Variants in CPQ observed in about 807,000 individuals in gnomAD.
CPQ encodes Ser-Met dipeptidase.
In CPQ, 37 loss-of-function variants were observed where a neutral mutation model predicts 45.7. The observed-to-expected ratio is 0.81, with a 90% confidence interval of 0.62 to 1.07. The LOEUF (loss-of-function observed/expected upper bound fraction) is 1.07, where lower values mean the gene tolerates loss of function less well. CPQ is among the 50% of genes least tolerant of loss of function. CPQ has a pLI of 0.00. For missense variants in CPQ, 537 were observed against 572.9 expected (o/e 0.94, Z 0.64); for synonymous variants, 186 against 205.8 (o/e 0.90, Z 0.82).
intron 1 of CPQ, among the ~76,000 whole-genome samples, chr8:96,729,920 A>G (rs966686886): frequency 5.9e-5 from 9 of 152,104 alleles, no homozygotes; most frequent in African/African-American, 1.9e-4. Flanking sequence ...GGTCTGTACA[A>G]TGTCTCATCT....
intron 6 of CPQ, among the ~76,000 whole-genome samples, chr8:97,046,226 G>C (rs1209934158): frequency 6.6e-6 from 1 of 151,512 alleles, no homozygotes; most frequent in Non-Finnish European, 1.5e-5. Flanking sequence ...AAACACAAAG[G>C]CATACTTTTT....
intron 3 of CPQ, among the ~76,000 whole-genome samples, chr8:96,864,160 C>A (rs974357404): frequency 1.3e-5 from 2 of 151,946 alleles, no homozygotes; most frequent in Admixed American, 6.6e-5. Flanking sequence ...AAGAGGTGGA[C>A]ACTATTCCTC....
intron 2 of CPQ, among the ~76,000 whole-genome samples, chr8:96,799,667 C>T (rs927906417): frequency 1.2e-4 from 18 of 152,298 alleles, no homozygotes; most frequent in Admixed American, 3.9e-4. Flanking sequence ...AAGGAATTTA[C>T]ATTGATCAAG....
At chr8:96,728,754 T>G (rs2130768579) in intron 1 of CPQ, among the ~76,000 whole-genome samples, 1 of 152,218 alleles carries the variant, frequency 6.6e-6, no homozygotes, top group Middle Eastern at 3.4e-3. Flanking sequence ...TGGGAGATTA[T>G]GGGTAAGGTC....
At chr8:96,984,991 G>A (rs1813987108) in intron 5 of CPQ, among the ~76,000 whole-genome samples, 1 of 152,136 alleles carries the variant, frequency 6.6e-6, no homozygotes, top group South Asian at 2.1e-4. Context: ...AGAGTTCTGT[G>A]AGTAATAAAC....
Position 96,929,466 on chromosome 8 carries a change from A to G in CPQ, c.850-36469A>G, listed in dbSNP as rs374083114. 6.8e-4 allele frequency among the ~76,000 whole-genome samples: 104 copies of G among 152,276 alleles called. 1 individual carries two copies. In the South Asian group the frequency reaches 0.021, roughly 31 times the overall value. ...TGCTCATCTTTCTAGGCTTTCTAAT[A>G]TGCTCCCTCAATGCAAGTCTCTCAG... is the stretch of plus-strand genomic sequence containing the variant. On this transcript the variant is annotated intron_variant, in intron 4 of 7. Coordinates refer to ENST00000220763, the MANE Select transcript of CPQ (RefSeq NM_016134.4).
rs141939292 is a variant in CPQ at position 96,792,105 on chromosome 8, G to A, written c.433+6775G>A. Reference sequence around the variant, plus strand: ...TCTTCTCAACTTCAGTATTACAGTAGGTATGTTAGTTTATTCACATGGCAG... The same window carrying A: ...TCTTCTCAACTTCAGTATTACAGTAAGTATGTTAGTTTATTCACATGGCAG... On this transcript the variant is annotated intron_variant, in intron 2 of 7. Coordinates refer to ENST00000220763, the MANE Select transcript of CPQ (RefSeq NM_016134.4). Among the ~76,000 whole-genome samples the A allele has an allele frequency of 3.5e-3, 535 of 152,192 alleles. 2 individuals carry two copies. Among genetic ancestry groups the A allele is most frequent in the African/African-American group, 0.012 (504 of 41,522 alleles).
intron 6 of CPQ, among the ~76,000 whole-genome samples, chr8:97,054,413 A>T (rs1810416232): frequency 6.6e-6 from 1 of 152,310 alleles, no homozygotes; most frequent in South Asian, 2.1e-4. Flanking sequence ...CAGCAATCCC[A>T]CTACTAGGTA....
intron 5 of CPQ, among the ~76,000 whole-genome samples, chr8:96,992,100 T>A (rs1809104168): frequency 6.6e-6 from 1 of 152,230 alleles, no homozygotes; most frequent in Admixed American, 6.5e-5. Context: ...GGTGACCTTC[T>A]CTGCTTATCA....
At chr8:96,990,077 A>C (rs1809062236) in intron 5 of CPQ, among the ~76,000 whole-genome samples, 1 of 151,958 alleles carries the variant, frequency 6.6e-6, no homozygotes, top group South Asian at 2.1e-4. Flanking sequence ...CCACCTCTGA[A>C]CCTTTGCTGA....
intron 1 of CPQ, among the ~76,000 whole-genome samples, chr8:96,743,379 A>G (rs1810124401): frequency 6.6e-6 from 1 of 151,752 alleles, no homozygotes; most frequent in Non-Finnish European, 1.5e-5. Context: ...ACATTCTTCT[A>G]AATTTTTTTC....
chr8:97,035,826 GCCTC>G (rs1256896597), intron 6 of CPQ, among the ~76,000 whole-genome samples: 1 of 152,066 alleles, frequency 6.6e-6, no homozygotes, highest in Non-Finnish European at 1.5e-5. Context: ...TCCTGCCTTA[GCCTC>G]CTGAGTAGCT....
At chr8:96,929,026 C>A (rs1282770624) in intron 4 of CPQ, among the ~76,000 whole-genome samples, 1 of 152,160 alleles carries the variant, frequency 6.6e-6, no homozygotes, top group Non-Finnish European at 1.5e-5. Flanking sequence ...AGGATCCTCT[C>A]CCCAGCCAAC....
chr8:96,944,908 G>A (rs1467281976), intron 4 of CPQ, among the ~76,000 whole-genome samples: 2 of 151,978 alleles, frequency 1.3e-5, no homozygotes, highest in East Asian at 3.9e-4. Flanking sequence ...GTACTTCCTA[G>A]AGGGTATTAA....
At chr8:97,079,735 T>C (rs1810914238) in intron 7 of CPQ, among the ~76,000 whole-genome samples, 1 of 152,174 alleles carries the variant, frequency 6.6e-6, no homozygotes, top group Admixed American at 6.5e-5. Context: ...GCATTTCACC[T>C]GATTATCAGG....
At chr8:97,068,291 A>G (rs1372940784) in intron 7 of CPQ, among the ~76,000 whole-genome samples, 3 of 152,178 alleles carry the variant, frequency 2.0e-5, no homozygotes, top group Non-Finnish European at 4.4e-5. Context: ...TTTGATTTCT[A>G]CCTAATAGAA....
At chr8:96,912,321 T>C (rs1185047135) in intron 4 of CPQ, among the ~76,000 whole-genome samples, 2 of 152,226 alleles carry the variant, frequency 1.3e-5, no homozygotes, top group Admixed American at 6.5e-5. Flanking sequence ...GTCTTTTCAC[T>C]GTGAGCAAGG....
chr8:96,811,967 A>G (rs1038388285), intron 2 of CPQ, among the ~76,000 whole-genome samples: 1 of 152,182 alleles, frequency 6.6e-6, no homozygotes, highest in Non-Finnish European at 1.5e-5. Flanking sequence ...TTATTTAGAA[A>G]TCCACATTAG....
intron 7 of CPQ, among the ~76,000 whole-genome samples, chr8:97,113,040 G>A (rs1811523597): frequency 6.6e-6 from 1 of 152,158 alleles, no homozygotes; most frequent in South Asian, 2.1e-4. Flanking sequence ...CTGGGAGTGG[G>A]TTAGACAGCC....
Sources: gnomAD v4.1 joint callset for allele counts (sites outside exome capture counted in the v4.1 genomes callset) on GRCh38, gnomAD v4.1.1 for gene constraint, MANE v1.5 for transcripts, NCBI Gene and HGNC (gene_info 2026-07-23, HGNC 2026-07-21) for gene names.